Variants in AFF3 observed in about 807,000 individuals in gnomAD.
AFF3 encodes the protein AF4/FMR2 family member 3.
In AFF3, 32 loss-of-function variants were observed where a neutral mutation model predicts 129.7. The observed-to-expected ratio is 0.25, with a 90% CI of 0.19 to 0.33. The LOEUF is 0.33. Among genes scored for constraint, AFF3 ranks in the 10% least tolerant of loss-of-function variants. AFF3 has a pLI of 1.00. For synonymous variants in AFF3, 644 were observed against 635.4 expected, an observed-to-expected ratio of 1.01 and a Z score of -0.20; for missense variants, 1,373 against 1,592.0, an observed-to-expected ratio of 0.86 and a Z score of 2.34.
intron 19 of AFF3, among the ~76,000 whole-genome samples, chr2:99,566,355 C>T (rs1228897530): frequency 2.0e-5 from 3 of 151,776 alleles, no homozygotes; most frequent in Admixed American, 2.0e-4. Flanking sequence ...TTCAGCTTTG[C>T]TAAAATAGGA....
intron 4 of AFF3, among the ~76,000 whole-genome samples, chr2:100,054,092 A>C (rs772935190): frequency 1.3e-5 from 2 of 152,082 alleles, no homozygotes; most frequent in African/African-American, 2.4e-5. Flanking sequence ...TCATTAACAC[A>C]ACCTCTACAC....
intron 4 of AFF3, among the ~76,000 whole-genome samples, chr2:100,043,016 C>T (rs904802901): frequency 1.3e-5 from 2 of 151,744 alleles, no homozygotes; most frequent in South Asian, 4.2e-4. Context: ...AGGTAAGACA[C>T]AACCCAGAAG....
chr2:100,099,708 A>C (rs1368713073), intron 4 of AFF3, among the ~76,000 whole-genome samples: 9 of 152,178 alleles, frequency 5.9e-5, no homozygotes, highest in Non-Finnish European at 1.5e-5. Flanking sequence ...TCTCCTATTA[A>C]GTTCCCAAAA....
At chr2:99,802,582 G>A (rs1437153807) in intron 8 of AFF3, among the ~76,000 whole-genome samples, 1 of 152,124 alleles carries the variant, frequency 6.6e-6, no homozygotes, top group African/African-American at 2.4e-5. Flanking sequence ...AGGGTCACTT[G>A]AGCCCAGTAG....
At chr2:99,812,407 C>A (rs1303617153) in intron 8 of AFF3, among the ~76,000 whole-genome samples, 7 of 152,200 alleles carry the variant, frequency 4.6e-5, no homozygotes, top group African/African-American at 1.7e-4. Flanking sequence ...TAATGCCCCA[C>A]AAAGGCACGG....
Position 99,946,545 on chromosome 2 carries a change from G to A in AFF3, c.873+60087C>T, listed in dbSNP as rs1051116591. ...ACACAAGGAAGCTCTGACTTCTGCC[G>A]GAGGGTTCAGGATACCCCACTGTCT... On this transcript the variant is annotated intron_variant, in intron 7 of 24. Coordinates refer to ENST00000672756, the MANE Select transcript of AFF3 (RefSeq NM_001386135.1). Among the ~76,000 whole-genome samples, 26 of 148,156 alleles carry A rather than the reference G, an allele frequency of 1.8e-4. No individual in the cohort carries two copies. In the East Asian group the frequency reaches 2.4e-3, roughly 13 times the overall value.
chr2:99,913,684 T>C (rs12104651), intron 7 of AFF3, among the ~76,000 whole-genome samples: 3,108 of 152,234 alleles, frequency 0.02, 68 homozygotes, highest in African/African-American at 0.052. Context: ...GATTCTAGGT[T>C]GGGGTTGTAG....
At chr2:100,007,114 T>C (rs1387141334) in intron 6 of AFF3, 34 bp downstream of exon 6, 4 of 1,604,950 alleles carry the variant, frequency 2.5e-6, no homozygotes, top group Non-Finnish European at 3.4e-6. Flanking sequence ...TTTAGCAGAT[T>C]TGTGCAAATC....
At chr2:99,835,102 C>G (rs536756449) in intron 8 of AFF3, among the ~76,000 whole-genome samples, 3 of 152,244 alleles carry the variant, frequency 2.0e-5, no homozygotes, top group South Asian at 4.1e-4. Flanking sequence ...TGGCCGTAAG[C>G]GCACCACCAA....
At chr2:99,680,216 T>G (rs1359292508) in intron 11 of AFF3, among the ~76,000 whole-genome samples, 1 of 152,200 alleles carries the variant, frequency 6.6e-6, no homozygotes, top group African/African-American at 2.4e-5. Flanking sequence ...CTGGATATAC[T>G]CTATCATTTC....
At chr2:99,687,543 G>C (rs1191419424) in intron 11 of AFF3, among the ~76,000 whole-genome samples, 3 of 152,180 alleles carry the variant, frequency 2.0e-5, no homozygotes, top group South Asian at 2.1e-4. Flanking sequence ...AGAACTCTAG[G>C]AGACAGGAGC....
intron 11 of AFF3, among the ~76,000 whole-genome samples, chr2:99,693,681 C>T (rs993081802): frequency 1.3e-5 from 2 of 152,016 alleles, no homozygotes; most frequent in Non-Finnish European, 2.9e-5. Context: ...TCCAATGATT[C>T]TAATACTTTT....
At chr2:100,140,542 C>A (rs1053467167) in intron 1 of AFF3, among the ~76,000 whole-genome samples, 6 of 152,128 alleles carry the variant, frequency 3.9e-5, no homozygotes, top group Non-Finnish European at 8.8e-5. Context: ...GGCTACCTAC[C>A]AATCTCTCCT....
At chr2:99,735,080 A>G (rs1680140700) in intron 10 of AFF3, among the ~76,000 whole-genome samples, 1 of 152,180 alleles carries the variant, frequency 6.6e-6, no homozygotes, top group Admixed American at 6.5e-5. Context: ...TTTATATGTA[A>G]ATTTCATATA....
chr2:100,065,295 C>G (rs548668655), intron 4 of AFF3, among the ~76,000 whole-genome samples: 2 of 152,210 alleles, frequency 1.3e-5, no homozygotes, highest in Non-Finnish European at 2.9e-5. Context: ...GTCTAGATAG[C>G]CAAATGTCTG....
At chr2:99,941,561 CA>C (rs1675044847) in intron 7 of AFF3, among the ~76,000 whole-genome samples, 1 of 152,118 alleles carries the variant, frequency 6.6e-6, no homozygotes, top group South Asian at 2.1e-4. Context: ...GCAATGTAAC[CA>C]ACTTAAAAAC....
At chr2:99,939,540 T>C (rs779142439) in intron 7 of AFF3, among the ~76,000 whole-genome samples, 47 of 152,222 alleles carry the variant, frequency 3.1e-4, no homozygotes, top group Non-Finnish European at 1.3e-4. Flanking sequence ...AGATTGACAC[T>C]GTATTTAAGG....
chr2:99,703,432 G>A (rs764267060), intron 11 of AFF3, among the ~76,000 whole-genome samples: 1 of 152,122 alleles, frequency 6.6e-6, no homozygotes, highest in African/African-American at 2.4e-5. Flanking sequence ...TTTTGGATAC[G>A]ATGTGAAGTT....
chr2:99,959,906 C>A (rs1677060218), intron 7 of AFF3, among the ~76,000 whole-genome samples: 1 of 152,060 alleles, frequency 6.6e-6, no homozygotes, highest in African/African-American at 2.4e-5. Flanking sequence ...CCAATCACAT[C>A]TGCACCCAAG....
Sources: gnomAD v4.1 joint callset for allele counts (sites outside exome capture counted in the v4.1 genomes callset) on GRCh38, gnomAD v4.1.1 for gene constraint, MANE v1.5 for transcripts, NCBI Gene and HGNC (gene_info 2026-07-23, HGNC 2026-07-21) for gene names.